NAV3: variants seen among roughly 807,000 people sequenced by gnomAD.
NAV3 encodes pore membrane and/or filament interacting like protein 1.
In NAV3, 87 loss-of-function variants were observed where a neutral mutation model predicts 244.7. The observed-to-expected ratio is 0.36, with a 90% CI of 0.30 to 0.42. The LOEUF is 0.42. Among genes scored for constraint, NAV3 ranks in the 20% least tolerant of loss-of-function variants. The probability of loss-of-function intolerance (pLI) is 1.00; values close to 1 mark genes in which losing one functional copy is unlikely to be tolerated. For missense variants in NAV3, 2,663 were observed against 2,893.3 expected (o/e 0.92, Z 1.83); for synonymous variants, 1,126 against 1,042.2 (o/e 1.08, Z -1.55).
chr12:77,694,507 T>C (rs1446930262), intron 2 of NAV3, among the ~76,000 whole-genome samples: 3 of 151,512 alleles, frequency 2.0e-5, no homozygotes, highest in African/African-American at 7.3e-5. Context: ...CTCTTCTTCC[T>C]TTGAAGCTAT....
intron 15 of NAV3, among the ~76,000 whole-genome samples, chr12:78,120,963 GA>G (rs1174179477): frequency 6.6e-6 from 1 of 152,268 alleles, no homozygotes; most frequent in African/African-American, 2.4e-5. Flanking sequence ...TAATGCTGCA[GA>G]ACTGTCTTTT....
rs776865710 is a variant in NAV3 at position 77,652,828 on chromosome 12, A to C, written c.72+80562A>C. 3.3e-4 allele frequency among the ~76,000 whole-genome samples: 50 copies of C among 152,260 alleles called. 1 individual carries two copies. Among genetic ancestry groups the C allele is most frequent in the Non-Finnish European group, 5.9e-4 (40 of 68,042 alleles). On this transcript the variant is annotated intron_variant, in intron 2 of 8. Coordinates refer to the NAV3 transcript ENST00000550042. The stretch of plus-strand genomic sequence containing the variant: ...AAAATAGTAGAGCCCATTATCAAGC[A>C]ATCAGTGTTTGTCAGTTTACAAATA...
At chr12:78,054,551 C>T (rs947938537) in intron 11 of NAV3, among the ~76,000 whole-genome samples, 3 of 152,070 alleles carry the variant, frequency 2.0e-5, no homozygotes, top group African/African-American at 7.2e-5. Flanking sequence ...AGGGGAGAAA[C>T]TCGGGGGTTC....
intron 2 of NAV3, among the ~76,000 whole-genome samples, chr12:77,823,607 A>C (rs959464721): frequency 1.3e-5 from 2 of 152,222 alleles, no homozygotes; most frequent in Non-Finnish European, 2.9e-5. Flanking sequence ...CTTCTTTAAC[A>C]ATTTATTTAA....
At chr12:77,650,818 T>C (rs538217169) in intron 2 of NAV3, among the ~76,000 whole-genome samples, 26 of 152,216 alleles carry the variant, frequency 1.7e-4, no homozygotes, top group African/African-American at 5.5e-4. Context: ...ATGAAGATCA[T>C]AGAGAAAGTC....
intron 12 of NAV3, among the ~76,000 whole-genome samples, chr12:78,084,457 T>C (rs1953520596): frequency 6.6e-6 from 1 of 152,140 alleles, no homozygotes; most frequent in South Asian, 2.1e-4. Flanking sequence ...CACCAATTTT[T>C]TTTTGTCTTT....
chr12:77,623,752 A>G (rs765426960), intron 2 of NAV3, among the ~76,000 whole-genome samples: 1 of 152,214 alleles, frequency 6.6e-6, no homozygotes, highest in Non-Finnish European at 1.5e-5. Context: ...TATCAGTATG[A>G]TAAAGACGAA....
intron 2 of NAV3, among the ~76,000 whole-genome samples, chr12:77,779,631 C>A (rs988644429): frequency 2.0e-5 from 3 of 152,014 alleles, no homozygotes; most frequent in African/African-American, 7.2e-5. Context: ...ATAAGTTAAA[C>A]ACCAAAAAAT....
intron 1 of NAV3, among the ~76,000 whole-genome samples, chr12:77,873,811 G>A (rs1440853961): frequency 7.0e-6 from 1 of 143,162 alleles, no homozygotes; most frequent in African/African-American, 2.5e-5. Context: ...TAGATATATT[G>A]TGTCAATTTG....
intron 18 of NAV3, among the ~76,000 whole-genome samples, chr12:78,131,788 T>C (rs1204576037): frequency 6.6e-6 from 1 of 152,264 alleles, no homozygotes; most frequent in Non-Finnish European, 1.5e-5. Flanking sequence ...ACGGATATAG[T>C]GTATGTAAAG....
intron 3 of NAV3, among the ~76,000 whole-genome samples, chr12:77,961,748 T>A (rs1466391971): frequency 2.0e-5 from 3 of 149,258 alleles, no homozygotes; most frequent in African/African-American, 7.3e-5. Context: ...TAAAGTAGAC[T>A]GGGGAGAGAG....
At chr12:78,186,024 T>C (rs534449077) in intron 31 of NAV3, among the ~76,000 whole-genome samples, 29 of 152,018 alleles carry the variant, frequency 1.9e-4, no homozygotes, top group African/African-American at 4.3e-4. Context: ...TTATAGGTAA[T>C]GTTTATGATG....
intron 1 of NAV3, among the ~76,000 whole-genome samples, chr12:77,866,995 T>C (rs1592830800): frequency 6.6e-6 from 1 of 152,010 alleles, no homozygotes; most frequent in African/African-American, 2.4e-5. Flanking sequence ...ATCTCTAGAG[T>C]TGTGACACTA....
At chr12:77,641,891 A>T (rs1872429641) in intron 2 of NAV3, among the ~76,000 whole-genome samples, 1 of 152,126 alleles carries the variant, frequency 6.6e-6, no homozygotes, top group Admixed American at 6.6e-5. Context: ...ACACCCAACC[A>T]AGGCAAAAGC....
At chr12:78,132,808 A>C (rs998791462) in intron 18 of NAV3, among the ~76,000 whole-genome samples, 2 of 152,264 alleles carry the variant, frequency 1.3e-5, no homozygotes, top group African/African-American at 4.8e-5. Flanking sequence ...TCAGTGTGCT[A>C]GACCATATAG....
At chr12:77,735,937 T>A (rs562280908) in intron 2 of NAV3, among the ~76,000 whole-genome samples, 1 of 152,216 alleles carries the variant, frequency 6.6e-6, no homozygotes, top group Non-Finnish European at 1.5e-5. Context: ...TCCCTGCATC[T>A]TTCTGATGTC....
intron 8 of NAV3, among the ~76,000 whole-genome samples, chr12:78,018,665 C>A (rs1008274480): frequency 6.6e-5 from 10 of 152,184 alleles, no homozygotes; most frequent in Non-Finnish European, 1.5e-4. Flanking sequence ...GTCTGCAGGA[C>A]TAGAGGTCAA....
At chr12:78,117,045 C>T (rs1593650302) in intron 13 of NAV3, 141 bp downstream of exon 13, 1 of 925,426 alleles carries the variant, frequency 1.1e-6, no homozygotes, top group African/African-American at 1.7e-5. Context: ...ATAAGGACTC[C>T]CTTTGCCACT....
At chr12:77,747,776 T>C (rs1868629278) in intron 2 of NAV3, among the ~76,000 whole-genome samples, 1 of 151,806 alleles carries the variant, frequency 6.6e-6, no homozygotes, top group Non-Finnish European at 1.5e-5. Flanking sequence ...AGCAAACTAT[T>C]GCAAAGACAA....
Sources: allele counts gnomAD v4.1 joint callset (sites outside exome capture counted in the v4.1 genomes callset), GRCh38; gene constraint gnomAD v4.1.1; transcripts MANE v1.5; gene names NCBI Gene and HGNC (gene_info 2026-07-23, HGNC 2026-07-21).